The following PRR16 variants were observed in gnomAD, a reference collection of about 807,000 sequenced individuals.
PRR16 encodes the protein protein Largen.
In PRR16, 6 loss-of-function variants were observed where a neutral mutation model predicts 18.2. The observed-to-expected ratio is 0.33, with a 90% confidence interval of 0.18 to 0.65. The LOEUF (loss-of-function observed/expected upper bound fraction) is 0.65, where lower values mean the gene tolerates loss of function less well. Among genes scored for constraint, PRR16 ranks in the 30% least tolerant of loss-of-function variants. PRR16 has a pLI of 0.74. For missense variants in PRR16, 412 were observed against 376.6 expected (o/e 1.09, Z -0.78); for synonymous variants, 151 against 147.8 (o/e 1.02, Z -0.16).
At chr5:120,567,415 A>G (rs1752771596) in intron 1 of PRR16, among the ~76,000 whole-genome samples, 1 of 152,126 alleles carries the variant, frequency 6.6e-6, no homozygotes, top group Non-Finnish European at 1.5e-5. Context: ...CTTTAATCAG[A>G]ATATTCATAT....
intron 1 of PRR16, among the ~76,000 whole-genome samples, chr5:120,659,332 T>G (rs1756096969): frequency 6.6e-6 from 1 of 152,020 alleles, no homozygotes; most frequent in Non-Finnish European, 1.5e-5. Flanking sequence ...CCTTGAGAGT[T>G]TCTGTTTGTT....
At chr5:120,718,985 T>C in the PRR16 span, among the ~76,000 whole-genome samples, 1 of 152,028 alleles carries the variant, frequency 6.6e-6, no homozygotes, top group African/African-American at 2.4e-5. Context: ...TCAGAGATAG[T>C]ACAGCTGAGG....
chr5:120,483,176 C>T (rs1010095230), intron 1 of PRR16, among the ~76,000 whole-genome samples: 136 of 152,248 alleles, frequency 8.9e-4, no homozygotes, highest in African/African-American at 3.2e-3. Context: ...TACCCTATTT[C>T]AACACATGGT....
chr5:120,671,708 TA>T (rs952680705), intron 1 of PRR16, among the ~76,000 whole-genome samples: 2 of 152,162 alleles, frequency 1.3e-5, no homozygotes, highest in Non-Finnish European at 2.9e-5. Flanking sequence ...AATATTTATT[TA>T]AAAATATTGA....
At chr5:120,619,024 C>A (rs762997919) in intron 1 of PRR16, among the ~76,000 whole-genome samples, 1 of 152,056 alleles carries the variant, frequency 6.6e-6, no homozygotes, top group Non-Finnish European at 1.5e-5. Context: ...TCTTGATGGT[C>A]TATAAACAGA....
chr5:120,669,699 C>T (rs1756528682), intron 1 of PRR16, among the ~76,000 whole-genome samples: 1 of 151,928 alleles, frequency 6.6e-6, no homozygotes, highest in Non-Finnish European at 1.5e-5. Flanking sequence ...ATTTAAACGT[C>T]ACAATTGTTT....
chr5:120,509,225 T>C (rs1750744546), intron 1 of PRR16, among the ~76,000 whole-genome samples: 1 of 152,172 alleles, frequency 6.6e-6, no homozygotes, highest in African/African-American at 2.4e-5. Context: ...ACATGGTTTA[T>C]AAGCACCACA....
chr5:120,474,207 T>C (rs888458384), intron 1 of PRR16, among the ~76,000 whole-genome samples: 1 of 152,176 alleles, frequency 6.6e-6, no homozygotes, highest in African/African-American at 2.4e-5. Context: ...AAATCTGCTA[T>C]ACTTTCATCT....
intron 1 of PRR16, among the ~76,000 whole-genome samples, chr5:120,535,477 A>G (rs866933139): frequency 2.0e-5 from 3 of 152,206 alleles, no homozygotes; most frequent in Non-Finnish European, 4.4e-5. Context: ...TCACTTACAT[A>G]TAACAACAAC....
At chr5:120,542,042 G>A (rs1751933342) in intron 1 of PRR16, among the ~76,000 whole-genome samples, 2 of 151,562 alleles carry the variant, frequency 1.3e-5, no homozygotes, top group Admixed American at 1.3e-4. Flanking sequence ...TTTCCTCTAG[G>A]TGTTACAAAG....
intron 1 of PRR16, among the ~76,000 whole-genome samples, chr5:120,631,734 C>A (rs150315566): frequency 0.013 from 2,038 of 152,218 alleles, 14 homozygotes; most frequent in African/African-American, 0.02. Flanking sequence ...CCTGCCCCGA[C>A]CTGATGGTCT....
intron 1 of PRR16, among the ~76,000 whole-genome samples, chr5:120,651,644 T>C (rs936636079): frequency 7.2e-5 from 11 of 152,166 alleles, no homozygotes; most frequent in Non-Finnish European, 1.2e-4. Flanking sequence ...GTTGTAGATA[T>C]GTGGCATTAT....
At chr5:120,502,095 G>A (rs1750480310) in intron 1 of PRR16, among the ~76,000 whole-genome samples, 1 of 150,990 alleles carries the variant, frequency 6.6e-6, no homozygotes, top group African/African-American at 2.4e-5. Flanking sequence ...CTGGAGGGAA[G>A]TTTGCCAAAA....
At chr5:120,489,297 G>C (rs1445138156) in intron 1 of PRR16, among the ~76,000 whole-genome samples, 1 of 152,132 alleles carries the variant, frequency 6.6e-6, no homozygotes, top group Non-Finnish European at 1.5e-5. Flanking sequence ...AAGTCTCTTT[G>C]TAGGTCTCTA....
chr5:120,630,742 G>T (rs772704064), intron 1 of PRR16, among the ~76,000 whole-genome samples: 22 of 152,048 alleles, frequency 1.4e-4, no homozygotes, highest in Non-Finnish European at 2.5e-4. Context: ...GTCTACATCA[G>T]TGTCAACCCC....
chr5:120,686,195 G>A lies in PRR16; in HGVS notation c.401G>A (p.Cys134Tyr). 4 of 1,614,180 alleles carry A rather than the reference G, an allele frequency of 2.5e-6. No homozygotes were observed. Among genetic ancestry groups the A allele is most frequent in the Non-Finnish European group, 3.4e-6 (4 of 1,180,042 alleles). ...CCTCCAAGGTTGACACCTGTGAAGT[G>A]TGAAGACCCCAAAAGGGTGGTTCCA... ...PPPPRLTPVK[C>Y]EDPKRVVPTA... is the part of the protein sequence containing the mutation. Residue 134 changes from cysteine to tyrosine, a missense_variant, in exon 2 of 2, where the codon TGT becomes TAT. Coordinates refer to ENST00000407149, the MANE Select transcript of PRR16 (RefSeq NM_001300783.2).
At chr5:120,787,518 G>A in the PRR16 span, among the ~76,000 whole-genome samples, 7 of 152,044 alleles carry the variant, frequency 4.6e-5, no homozygotes, top group African/African-American at 1.7e-4. Context: ...GGCCACTGAG[G>A]GCTGAGAGGC....
chr5:120,641,601 A>C (rs1421639595), intron 1 of PRR16, among the ~76,000 whole-genome samples: 1 of 152,072 alleles, frequency 6.6e-6, no homozygotes, highest in Non-Finnish European at 1.5e-5. Context: ...AAAGAATGCT[A>C]CCTATGCCTA....
chr5:120,741,837 G>A, the PRR16 span, among the ~76,000 whole-genome samples: 1 of 152,166 alleles, frequency 6.6e-6, no homozygotes, highest in South Asian at 2.1e-4. Flanking sequence ...TTGACCTCAG[G>A]TAATCCGCCT....
Sources: allele counts gnomAD v4.1 joint callset (sites outside exome capture counted in the v4.1 genomes callset), GRCh38; gene constraint gnomAD v4.1.1; transcripts MANE v1.5; gene names NCBI Gene and HGNC (gene_info 2026-07-23, HGNC 2026-07-21).